Variants in B4GALNT3 observed in about 807,000 individuals in gnomAD.
The protein encoded by B4GALNT3 is beta-1,4-N-acetylgalactosaminyltransferase 3.
Under a neutral mutation model 120.2 loss-of-function variants are expected in B4GALNT3, and 86 were observed. That is an observed-to-expected ratio of 0.72 (90% confidence interval 0.60 to 0.86). The LOEUF is 0.86. Ranked by LOEUF, B4GALNT3 falls within the 40% of genes least tolerant of loss-of-function variation. B4GALNT3 has a pLI of 0.00. For missense variants in B4GALNT3, 1,167 were observed against 1,298.9 expected, an observed-to-expected ratio of 0.90 and a Z score of 1.56; for synonymous variants, 518 against 510.4, an observed-to-expected ratio of 1.01 and a Z score of -0.20.
intron 1 of B4GALNT3, among the ~76,000 whole-genome samples, chr12:523,447 C>A (rs1336303397): frequency 6.6e-6 from 1 of 152,170 alleles, no homozygotes; most frequent in Non-Finnish European, 1.5e-5. Flanking sequence ...CAAACAAGAC[C>A]TGGTTTCTGC....
At chr12:512,622 C>T (rs1241643776) in intron 1 of B4GALNT3, among the ~76,000 whole-genome samples, 2 of 147,234 alleles carry the variant, frequency 1.4e-5, no homozygotes, top group Non-Finnish European at 1.5e-5. Context: ...CACCTTCCGC[C>T]TTCCACCTTC....
intron 1 of B4GALNT3, among the ~76,000 whole-genome samples, chr12:479,975 G>A (rs1480089014): frequency 2.0e-4 from 28 of 141,174 alleles, no homozygotes; most frequent in Non-Finnish European, 3.6e-4. Context: ...GTGCAGTGGC[G>A]CCATCTCGGC....
intron 1 of B4GALNT3, among the ~76,000 whole-genome samples, chr12:494,605 G>A (rs771090427): frequency 5.3e-5 from 8 of 152,226 alleles, no homozygotes; most frequent in African/African-American, 9.6e-5. Flanking sequence ...GTATGGCTTC[G>A]GAGAATTTCC....
At chr12:468,199 GA>G (rs1443385782) in intron 1 of B4GALNT3, among the ~76,000 whole-genome samples, 11 of 152,148 alleles carry the variant, frequency 7.2e-5, no homozygotes, top group Admixed American at 6.5e-4. Context: ...AAGAAGAAAT[GA>G]ACAATCACCT....
chr12:547,955 G>A (rs749975541), intron 7 of B4GALNT3, 69 bp from the exon 8 acceptor site: 82 of 1,344,248 alleles, frequency 6.1e-5, no homozygotes, highest in Non-Finnish European at 8.5e-5. Flanking sequence ...CTGGAAGGGG[G>A]TGGGACAGAG....
chr12:534,861 G>T (rs1375869838), intron 1 of B4GALNT3, among the ~76,000 whole-genome samples: 19 of 152,240 alleles, frequency 1.2e-4, no homozygotes, highest in Admixed American at 1.2e-3. Context: ...GCCTCCAGAG[G>T]CAGCCGGGGG....
intron 1 of B4GALNT3, among the ~76,000 whole-genome samples, chr12:496,279 A>G (rs1592022653): frequency 6.6e-6 from 1 of 152,238 alleles, no homozygotes; most frequent in Non-Finnish European, 1.5e-5. Flanking sequence ...TAAAAAAAAA[A>G]TTGAGCTGGA....
At chr12:528,980 G>T (rs776883975) in intron 1 of B4GALNT3, among the ~76,000 whole-genome samples, 24 of 152,200 alleles carry the variant, frequency 1.6e-4, no homozygotes, top group Non-Finnish European at 2.8e-4. Context: ...AGACCCCGGG[G>T]CTTCTTAGCC....
chr12:559,876 G>A (rs1264685993), intron 19 of B4GALNT3, among the ~76,000 whole-genome samples: 1 of 152,128 alleles, frequency 6.6e-6, no homozygotes, highest in Non-Finnish European at 1.5e-5. Flanking sequence ...AAGAGACAGT[G>A]TAGACCACTG....
At chr12:552,909 C>G in intron 13 of B4GALNT3, 1 of 511,232 alleles carries the variant, frequency 2.0e-6, no homozygotes, top group Non-Finnish European at 3.5e-6. Flanking sequence ...CTGCTGGGTC[C>G]CTCAGGTGCT....
chr12:497,428 C>T (rs927973537), intron 1 of B4GALNT3, among the ~76,000 whole-genome samples: 2 of 152,224 alleles, frequency 1.3e-5, no homozygotes, highest in Admixed American at 6.5e-5. Context: ...CAGGCGTGAG[C>T]CACTGCACCT....
rs201583507 is a variant in B4GALNT3 at position 556,733 on chromosome 12, C to G, written c.2247C>G (p.Asn749Lys). 13 of 1,612,640 alleles carry G rather than the reference C, an allele frequency of 8.1e-6. No homozygotes were observed. In the South Asian group the frequency reaches 1.2e-4, roughly 15 times the overall value. Residue 749 changes from asparagine to lysine, a missense_variant, in exon 15 of 20, where the codon AAC becomes AAG. Asn to Lys is a moderately conservative substitution (Grantham distance 94). Around this residue, in one of 3 missense-constraint regions of B4GALNT3, gnomAD observed 983 missense variants for 1,102.5 expected, o/e 0.89. Transcript: ENST00000266383. ...GTGGGGAGGAGGTCGAGGCCCGGAA[C>G]CTGCAAGGCCTGGTCTGGGACCCAC... ...PAGGEEVEARNLQGLVWDPHN... is the reference protein window; with the variant it reads ...PAGGEEVEARKLQGLVWDPHN...
chr12:469,279 A>G (rs1237505659), intron 1 of B4GALNT3, among the ~76,000 whole-genome samples: 3 of 152,140 alleles, frequency 2.0e-5, no homozygotes, highest in Non-Finnish European at 4.4e-5. Context: ...GTGGAGCTAT[A>G]ATGCTGTTCC....
At chr12:543,335 G>A in intron 3 of B4GALNT3, 1 of 671,188 alleles carries the variant, frequency 1.5e-6, no homozygotes, top group Non-Finnish European at 2.3e-6. Flanking sequence ...GGCATGGGGT[G>A]GTCACGCTCC....
In B4GALNT3 at chr12:460,686, G is replaced by A. The variant is rs1021325623; in HGVS notation, c.169+141G>A. The A allele has an allele frequency of 9.1e-5, 84 of 928,060 alleles. 1 individual carries two copies. The East Asian group carries it at 2.7e-3, about 30-fold the overall frequency. The allele number at this position is 928,060 out of a possible 1,614,324, so 57.5% of individuals were successfully genotyped here. A position where few individuals can be genotyped will look rare whatever the true frequency, so the allele number is the denominator to read the frequency against. ...CCTCAGGTGCCCGGCGTCGCCCCGCGCGTACTCGGGGAGAGCTGCGGGCGG... is the reference window on the plus strand; with the variant it reads ...CCTCAGGTGCCCGGCGTCGCCCCGCACGTACTCGGGGAGAGCTGCGGGCGG... On this transcript the variant is annotated intron_variant, in intron 1 of 19. Transcript: ENST00000266383. The surrounding 1 kb of genome is among the most constrained non-coding windows in gnomAD (Gnocchi z 8.0).
intron 1 of B4GALNT3, among the ~76,000 whole-genome samples, chr12:475,150 A>G (rs1355361542): frequency 6.6e-6 from 1 of 152,114 alleles, no homozygotes; most frequent in Non-Finnish European, 1.5e-5. Flanking sequence ...AAAAGAAAAA[A>G]GGAATCTGGT....
rs778453462 is a variant in B4GALNT3, at chr12:559,377, G to C, written c.2844G>C (p.Glu948Asp). 171 of 1,614,006 alleles carry C rather than the reference G, an allele frequency of 1.1e-4. No individual in the cohort carries two copies. The highest frequency in any genetic ancestry group is 1.4e-4 in the Non-Finnish European group (165 of 1,179,976). The change falls in exon 19 of 20, where the codon GAG becomes GAC. Residue 948 changes from glutamate (E) to aspartate (D), a missense_variant. Around this residue, in one of 3 missense-constraint regions of B4GALNT3, gnomAD observed 983 missense variants for 1,102.5 expected, o/e 0.89. Transcript: ENST00000266383. ...GGATTGGGGGCATGAACACCAAGGA[G>C]TTCCGAGACCGCTGGGGCGGGGAAG... ...LDRIGGMNTKEFRDRWGGEDW... is the reference protein window; with the variant it reads ...LDRIGGMNTKDFRDRWGGEDW...
intron 1 of B4GALNT3, among the ~76,000 whole-genome samples, chr12:497,124 C>T (rs1433901777): frequency 3.3e-5 from 5 of 151,478 alleles, no homozygotes; most frequent in South Asian, 2.1e-4. Context: ...CGTGGGCCAT[C>T]GCTCCTGGCT....
In B4GALNT3 at chr12:527,600, C is replaced by T. The variant is rs146474923; in HGVS notation, c.170-7566C>T. On this transcript the variant is annotated intron_variant, in intron 1 of 19. Transcript: ENST00000266383. Reference sequence around the variant, plus strand: ...ATATCCATCTGCTCATCTAGAGGAACGGGTAGGCCTTAGGATTCCACCTTT... The same window carrying T: ...ATATCCATCTGCTCATCTAGAGGAATGGGTAGGCCTTAGGATTCCACCTTT... Among the ~76,000 whole-genome samples the T allele has an allele frequency of 7.9e-3, 1,195 of 151,860 alleles. 6 individuals are homozygous for T. Among genetic ancestry groups the T allele is most frequent in the Non-Finnish European group, 0.012 (784 of 67,998 alleles).
Sources: gnomAD v4.1 joint callset for allele counts (sites outside exome capture counted in the v4.1 genomes callset) on GRCh38, gnomAD v4.1.1 for gene constraint, gnomAD v4.1.1 regional missense constraint, Gnocchi (gnomAD v3.1) non-coding constraint, MANE v1.5 for transcripts, NCBI Gene and HGNC (gene_info 2026-07-23, HGNC 2026-07-21) for gene names.